Variants in ELMO2 observed in about 807,000 individuals in gnomAD.
ELMO2 encodes engulfment and cell motility 2, also known as engulfment and cell motility protein 2.
Under a neutral mutation model 96.2 loss-of-function variants are expected in ELMO2, and 37 were observed. That is an observed-to-expected ratio of 0.38 (90% CI 0.30 to 0.51). ELMO2 has a LOEUF of 0.51. ELMO2 is among the 20% of genes least tolerant of loss of function. The pLI is 0.88. For missense variants in ELMO2, 561 were observed against 912.6 expected (o/e 0.61, Z 4.96); for synonymous variants, 315 against 329.4 (o/e 0.96, Z 0.47).
intron 6 of ELMO2, 132 bp from the exon 7 acceptor site, chr20:46,389,352 G>T: frequency 2.3e-6 from 2 of 870,194 alleles, no homozygotes; most frequent in South Asian, 1.7e-5. Context: ...CAGCTTAGGA[G>T]TTGCTAAATA....
chr20:46,373,671 T>C, intron 15 of ELMO2, 136 bp from the exon 16 acceptor site: 1 of 1,097,794 alleles, frequency 9.1e-7, no homozygotes, highest in Non-Finnish European at 1.3e-6. Context: ...GAGCGTGGGA[T>C]GGGCGTTTCT....
In ELMO2 at chr20:46,374,445, C is replaced by G; in HGVS notation, c.1171-5G>C. On this transcript the variant is annotated splice_region_variant and splice_polypyrimidine_tract_variant and intron_variant, in intron 14 of 21. Coordinates refer to ENST00000290246, the MANE Select transcript of ELMO2 (RefSeq NM_133171.5). Reference sequence around the variant, plus strand: ...GCTACTGTTCTCCAAGACAATCTGTCGGGGGAAGAGAAAGGGAGGATTAGG... The same window carrying G: ...GCTACTGTTCTCCAAGACAATCTGTGGGGGGAAGAGAAAGGGAGGATTAGG... 6.2e-7 allele frequency: 1 copy of G among 1,613,826 alleles called. No homozygotes were observed. The highest frequency in any genetic ancestry group is 8.5e-7 in the Non-Finnish European group (1 of 1,179,900).
At chr20:46,391,571 G>A (rs779069656) in intron 6 of ELMO2, among the ~76,000 whole-genome samples, 4 of 152,056 alleles carry the variant, frequency 2.6e-5, no homozygotes, top group African/African-American at 4.8e-5. Flanking sequence ...GTAACCAAAG[G>A]TGCAACCATA....
intron 15 of ELMO2, 150 bp from the exon 16 acceptor site, chr20:46,373,685 G>A (rs991468758): frequency 9.2e-6 from 9 of 980,052 alleles, no homozygotes; most frequent in South Asian, 3.5e-5. Flanking sequence ...CGTTTCTCAC[G>A]TCCTTAGCTT....
intron 6 of ELMO2, among the ~76,000 whole-genome samples, chr20:46,392,626 A>T (rs2060171832): frequency 6.6e-6 from 1 of 152,238 alleles, no homozygotes; most frequent in Admixed American, 6.5e-5. Context: ...CTGGCTTCTC[A>T]ATGACTGCTA....
At chr20:46,384,348 C>T (rs73908700) in intron 9 of ELMO2, among the ~76,000 whole-genome samples, 287 of 152,268 alleles carry the variant, frequency 1.9e-3, no homozygotes, top group African/African-American at 6.5e-3. Flanking sequence ...CTGTGGCTGT[C>T]TTTCCAGAGG....
At chr20:46,382,288 T>C (rs1318826845) in intron 10 of ELMO2, 1 of 1,289,090 alleles carries the variant, frequency 7.8e-7, no homozygotes, top group Admixed American at 2.3e-5. Context: ...CGGAATGAGC[T>C]TTCAGCTTAC....
At chr20:46,395,030 C>A (rs1218123589) in intron 2 of ELMO2, among the ~76,000 whole-genome samples, 3 of 152,198 alleles carry the variant, frequency 2.0e-5, no homozygotes, top group African/African-American at 7.2e-5. Context: ...GATGCCACCC[C>A]TTTCCCCTCA....
Position 46,374,334 on chromosome 20 carries a change from A to G in ELMO2, c.1277T>C (p.Leu426Pro), listed in dbSNP as rs1216332604. The change falls in exon 15 of 22, where the codon CTA (leucine) becomes CCA (proline). Residue 426 changes from leucine to proline, a missense_variant and splice_region_variant. Coordinates refer to ENST00000290246, the MANE Select transcript of ELMO2 (RefSeq NM_133171.5). ...AAGAGGGAGCTGCAGAGACTTACGTAGTTCCCCAACCTGCAGGATTTCACA... is the reference window on the plus strand; with the variant it reads ...AAGAGGGAGCTGCAGAGACTTACGTGGTTCCCCAACCTGCAGGATTTCACA... ...MLCEILQVGE[L>P]PNEGRNDYHP... The G allele has an allele frequency of 1.2e-6, 2 of 1,613,040 alleles. No individual in the cohort carries two copies. The highest frequency in any genetic ancestry group is 2.7e-5 in the African/African-American group (2 of 74,888).
chr20:46,389,288 C>G, intron 6 of ELMO2, 68 bp from the exon 7 acceptor site: 2 of 1,509,794 alleles, frequency 1.3e-6, no homozygotes, highest in Non-Finnish European at 1.8e-6. Context: ...GTGGATAGCT[C>G]ACAGAGGCCC....
intron 21 of ELMO2, among the ~76,000 whole-genome samples, chr20:46,368,410 T>C (rs2059627548): frequency 6.6e-6 from 1 of 152,068 alleles, no homozygotes; most frequent in South Asian, 2.1e-4. Flanking sequence ...CATTACAACA[T>C]GTGACCAGGA....
At chr20:46,376,835 A>G in intron 11 of ELMO2, 1 of 1,266,288 alleles carries the variant, frequency 7.9e-7, no homozygotes, top group Non-Finnish European at 1.0e-6. Context: ...GCTGTCCAGT[A>G]TAGCAGCCAC....
chr20:46,381,645 G>A (rs1040023953), intron 10 of ELMO2, among the ~76,000 whole-genome samples: 1 of 152,182 alleles, frequency 6.6e-6, no homozygotes, highest in African/African-American at 2.4e-5. Flanking sequence ...ACAGTGGTCT[G>A]CAGCTAGAAT....
rs1600851273 is a variant in ELMO2, at chr20:46,383,605, G to T, written c.678-111C>A. The T allele has an allele frequency of 4.7e-6, 5 of 1,064,616 alleles. No homozygotes were observed. The East Asian group carries it at 9.6e-5, about 20-fold the overall frequency. 65.9% of individuals were successfully genotyped at this position (1,064,616 alleles called of 1,614,324 possible). ...ACAGATTATAAGCAAATAATGATCT[G>T]GAGCTCAGTCTCAAAAGCATTCAAA... On this transcript the variant is annotated intron_variant, in intron 9 of 21. Transcript: ENST00000290246.
At chr20:46,370,970 A>G (rs2059690648) in intron 19 of ELMO2, among the ~76,000 whole-genome samples, 1 of 152,230 alleles carries the variant, frequency 6.6e-6, no homozygotes, top group Non-Finnish European at 1.5e-5. Flanking sequence ...AAGTGTGGCT[A>G]TTATTCCCAC....
chr20:46,389,640 G>C (rs2060115534), intron 6 of ELMO2, among the ~76,000 whole-genome samples: 1 of 152,118 alleles, frequency 6.6e-6, no homozygotes, highest in African/African-American at 2.4e-5. Flanking sequence ...TTGAAGCCAG[G>C]AGTTAGACAC....
intron 9 of ELMO2, 63 bp downstream of exon 9, chr20:46,386,061 A>T: frequency 1.3e-6 from 2 of 1,557,604 alleles, no homozygotes; most frequent in Non-Finnish European, 1.7e-6. Flanking sequence ...TGGAAGACTT[A>T]AAATAAGAGG....
intron 20 of ELMO2, 172 bp from the exon 21 acceptor site, chr20:46,369,140 A>G (rs1211099226): frequency 2.0e-5 from 12 of 590,198 alleles, no homozygotes. Context: ...GCCCAGCATA[A>G]ATCAACCTTA....
In ELMO2 at chr20:46,375,874, T is replaced by C. The variant is rs764945923; in HGVS notation, c.808-84A>G. 18 of 1,562,664 alleles carry C rather than the reference T, an allele frequency of 1.2e-5. No individual in the cohort carries two copies. In the Admixed American group the frequency reaches 1.9e-4, roughly 17 times the overall value. ...ACATCCATGCTAAGGAAAAGGAATGTATGTTGGGAAGGGAACAGAGCTTTC... is the reference window on the plus strand; with the variant it reads ...ACATCCATGCTAAGGAAAAGGAATGCATGTTGGGAAGGGAACAGAGCTTTC... On this transcript the variant is annotated intron_variant, in intron 11 of 21. Coordinates refer to ENST00000290246, the MANE Select transcript of ELMO2 (RefSeq NM_133171.5). The surrounding 1 kb of genome is among the most constrained non-coding windows in gnomAD (Gnocchi z 4.6).
Sources: allele counts gnomAD v4.1 joint callset (sites outside exome capture counted in the v4.1 genomes callset), GRCh38; gene constraint gnomAD v4.1.1; non-coding constraint Gnocchi (gnomAD v3.1); transcripts MANE v1.5; gene names NCBI Gene and HGNC (gene_info 2026-07-23, HGNC 2026-07-21).